The following DOCK3 variants were observed in gnomAD, a reference collection of about 807,000 sequenced individuals.
DOCK3 encodes the protein dedicator of cytokinesis 3, also known as dedicator of cytokinesis protein 3.
DOCK3 carries 60 observed loss-of-function variants against 265.6 expected under a neutral mutation model. The ratio of observed to expected loss-of-function variants is 0.23; its 90% CI spans 0.18 to 0.28. The LOEUF is 0.28. Among genes scored for constraint, DOCK3 ranks in the 10% least tolerant of loss-of-function variants. The probability of loss-of-function intolerance (pLI) is 1.00; values close to 1 mark genes in which losing one functional copy is unlikely to be tolerated. For synonymous variants in DOCK3, 881 were observed against 938.0 expected (o/e 0.94, Z 1.11); for missense variants, 1,981 against 2,594.3 (o/e 0.76, Z 5.14).
intron 12 of DOCK3, among the ~76,000 whole-genome samples, chr3:51,184,531 A>T (rs1171890583): frequency 8.5e-6 from 1 of 118,174 alleles, no homozygotes; most frequent in Non-Finnish European, 1.8e-5. Context: ...AATGGCCAAA[A>T]TTGGAACAAT....
At chr3:50,916,300 C>T (rs983032979) in intron 4 of DOCK3, among the ~76,000 whole-genome samples, 2 of 151,964 alleles carry the variant, frequency 1.3e-5, no homozygotes, top group Non-Finnish European at 2.9e-5. Flanking sequence ...GTCGCCCAGG[C>T]TGGAGTGCAG....
Position 51,102,229 on chromosome 3 carries a change from T to C in DOCK3, c.746+11845T>C, listed in dbSNP as rs1400786376. 2.0e-5 allele frequency among the ~76,000 whole-genome samples: 3 copies of C among 152,226 alleles called. No individual in the cohort carries two copies. The East Asian group carries it at 5.8e-4, about 29-fold the overall frequency. On this transcript the variant is annotated intron_variant, in intron 9 of 52. Coordinates refer to ENST00000266037, the MANE Select transcript of DOCK3 (RefSeq NM_004947.5). ...CATTTATTCATAAACTGAGGATTAT[T>C]TTCTCTACTTTTACATTTACAAAGC...
At chr3:50,957,831 T>C (rs1294550019) in intron 5 of DOCK3, among the ~76,000 whole-genome samples, 1 of 152,232 alleles carries the variant, frequency 6.6e-6, no homozygotes, top group Non-Finnish European at 1.5e-5. Flanking sequence ...TGTTCAGACT[T>C]CACTAGGTTA....
chr3:51,071,012 A>G (rs2081840894), intron 6 of DOCK3, among the ~76,000 whole-genome samples: 1 of 152,180 alleles, frequency 6.6e-6, no homozygotes. Flanking sequence ...CCCTGGTGCA[A>G]AAAAGATTGG....
intron 1 of DOCK3, among the ~76,000 whole-genome samples, chr3:50,689,081 C>T (rs2035037306): frequency 6.6e-6 from 1 of 152,348 alleles, no homozygotes; most frequent in Non-Finnish European, 1.5e-5. Flanking sequence ...TCACTTGCCA[C>T]TGTAAAGCGT....
chr3:51,258,375 G>T (rs1395109475), intron 22 of DOCK3, among the ~76,000 whole-genome samples: 4 of 152,100 alleles, frequency 2.6e-5, no homozygotes, highest in Non-Finnish European at 5.9e-5. Flanking sequence ...ATCTTCCGGG[G>T]CTTGGGCATA....
rs1186403953 is a variant in DOCK3, at chr3:51,016,523, CTATATAA to C, written c.316-47919_316-47913del. On this transcript the variant is annotated intron_variant, in intron 5 of 52. Transcript: ENST00000266037. ...TACATAATATATATATCATATATTT[CTATATAA>C]TATATGATATATATATTTATATATA... Among the ~76,000 whole-genome samples the C allele has an allele frequency of 1.8e-4, 12 of 66,914 alleles. 1 individual carries two copies. Among genetic ancestry groups the C allele is most frequent in the Admixed American group, 7.6e-4 (3 of 3,946 alleles). 43.9% of individuals were successfully genotyped at this position (66,914 alleles called of 152,430 possible).
intron 5 of DOCK3, among the ~76,000 whole-genome samples, chr3:50,986,286 A>G (rs371665885): frequency 2.0e-5 from 3 of 152,322 alleles, no homozygotes; most frequent in South Asian, 4.1e-4. Flanking sequence ...ATCTAAAGTA[A>G]AACCCAAATA....
chr3:51,146,737 A>C, intron 10 of DOCK3, 107 bp downstream of exon 10: 2 of 951,462 alleles, frequency 2.1e-6, no homozygotes, highest in South Asian at 1.6e-5. Context: ...TTCCATATAC[A>C]CTGGGGAGAA....
In DOCK3 at chr3:51,041,281, G is replaced by A. The variant is rs572351688; in HGVS notation, c.316-23167G>A. ...CGCCCAGGCTAGAGTGCGGTGGTGC[G>A]ATCTTGGCTCACTGCAAGCTCTGCC... On this transcript the variant is annotated intron_variant, in intron 5 of 52. Coordinates refer to ENST00000266037, the MANE Select transcript of DOCK3 (RefSeq NM_004947.5). Among the ~76,000 whole-genome samples, 648 of 131,280 alleles carry A rather than the reference G, an allele frequency of 4.9e-3. 3 individuals are homozygous for A. The highest frequency in any genetic ancestry group is 7.8e-3 in the Non-Finnish European group (501 of 64,476). The allele number at this position is 131,280 out of a possible 152,430, so 86.1% of individuals were successfully genotyped here.
chr3:50,905,211 G>A (rs2049418833), intron 4 of DOCK3, among the ~76,000 whole-genome samples: 1 of 152,210 alleles, frequency 6.6e-6, no homozygotes, highest in South Asian at 2.1e-4. Flanking sequence ...CTCCAGCTTT[G>A]TTCTTTTGGC....
At chr3:50,731,596 TAACAA>T (rs1011084629) in intron 1 of DOCK3, among the ~76,000 whole-genome samples, 5 of 39,200 alleles carry the variant, frequency 1.3e-4, no homozygotes, top group African/African-American at 3.2e-4. Flanking sequence ...AATTCACCAT[TAACAA>T]AATAAAAGAG....
chr3:51,296,026 A>G (rs2082060475), intron 27 of DOCK3, among the ~76,000 whole-genome samples: 1 of 152,176 alleles, frequency 6.6e-6, no homozygotes. Flanking sequence ...ATTTTTTTTA[A>G]GAGATGGAGT....
At chr3:51,198,485 A>G (rs1388577482) in intron 12 of DOCK3, among the ~76,000 whole-genome samples, 1 of 151,988 alleles carries the variant, frequency 6.6e-6, no homozygotes, top group Non-Finnish European at 1.5e-5. Flanking sequence ...AGAGACTGCA[A>G]CAGAGCCACT....
intron 5 of DOCK3, among the ~76,000 whole-genome samples, chr3:50,979,011 C>G (rs1023539546): frequency 6.6e-6 from 1 of 152,138 alleles, no homozygotes; most frequent in Admixed American, 6.5e-5. Context: ...GGCTCGCGTA[C>G]GGTGCGCACA....
At chr3:51,147,128 C>CA (rs1330193844) in intron 10 of DOCK3, among the ~76,000 whole-genome samples, 12 of 149,426 alleles carry the variant, frequency 8.0e-5, no homozygotes, top group African/African-American at 2.2e-4. Flanking sequence ...AAAAAAAAAA[C>CA]AAAAAAAAAT....
chr3:50,846,173 C>CA lies in DOCK3; in HGVS notation c.162+4465dup, dbSNP rs1484819378. Among the ~76,000 whole-genome samples, 8 of 151,844 alleles carry CA rather than the reference C, an allele frequency of 5.3e-5. No individual in the cohort carries two copies. The East Asian group carries it at 5.8e-4, about 11-fold the overall frequency. The stretch of plus-strand genomic sequence containing the variant: ...TGGAGGACAGAGAAAGAGGAACTGG[C>CA]AAAAAAAGACTAATGGAGGTCATAG... On this transcript the variant is annotated intron_variant, in intron 3 of 52. Coordinates refer to ENST00000266037, the MANE Select transcript of DOCK3 (RefSeq NM_004947.5).
intron 9 of DOCK3, among the ~76,000 whole-genome samples, chr3:51,145,439 C>T (rs1486282928): frequency 6.6e-6 from 1 of 152,046 alleles, no homozygotes; most frequent in Non-Finnish European, 1.5e-5. Flanking sequence ...TCCATGTGTT[C>T]TCATTGTTCT....
chr3:51,214,054 T>C (rs1362690275), intron 13 of DOCK3, 68 bp from the exon 14 acceptor site: 1 of 1,598,984 alleles, frequency 6.3e-7, no homozygotes, highest in African/African-American at 1.3e-5. Context: ...AAAATGTGAC[T>C]GTGTCTTTTC....
Sources: allele counts gnomAD v4.1 joint callset (sites outside exome capture counted in the v4.1 genomes callset), GRCh38; gene constraint gnomAD v4.1.1; transcripts MANE v1.5; gene names NCBI Gene and HGNC (gene_info 2026-07-23, HGNC 2026-07-21).